SEMA4B: variants seen among roughly 807,000 people sequenced by gnomAD.
SEMA4B encodes the protein semaphorin-4B.
Under a neutral mutation model 88.1 loss-of-function variants are expected in SEMA4B, and 55 were observed. That is an observed-to-expected ratio of 0.62 (90% CI 0.50 to 0.78). SEMA4B has a LOEUF of 0.78. Ranked by LOEUF, SEMA4B falls within the 30% of genes least tolerant of loss-of-function variation. The pLI, the probability that SEMA4B is intolerant of heterozygous loss-of-function variation, is 0.00. For synonymous variants in SEMA4B, 525 were observed against 473.6 expected (o/e 1.11, Z -1.41); for missense variants, 1,062 against 1,111.9 (o/e 0.96, Z 0.64).
chr15:90,200,162 A>G (rs185381965), upstream of SEMA4B, among the ~76,000 whole-genome samples: 1 of 152,352 alleles, frequency 6.6e-6, no homozygotes, highest in African/African-American at 2.4e-5. Flanking sequence ...CCCTCTTGAC[A>G]GCATCCCTGT....
chr15:90,209,696 A>G (rs1472257841), intron 1 of SEMA4B, among the ~76,000 whole-genome samples: 1 of 152,310 alleles, frequency 6.6e-6, no homozygotes, highest in East Asian at 1.9e-4. Context: ...GCATACGGAG[A>G]AGGGCCCTTG....
rs536846907 is a variant in SEMA4B, at chr15:90,203,380, G to A, written c.157+1645G>A. Among the ~76,000 whole-genome samples the A allele has an allele frequency of 1.2e-3, 180 of 152,284 alleles. 5 individuals are homozygous for A. In the South Asian group the frequency reaches 0.036, roughly 31 times the overall value. On this transcript the variant is annotated intron_variant, in intron 1 of 13. Transcript: ENST00000411539. ...CCTCTCATTTTTGGGAGAAGGCAGG[G>A]TGAGATGGGGGCAGATGCTCCAATG...
At chr15:90,222,954 G>GTA (rs5814418) in intron 7 of SEMA4B, among the ~76,000 whole-genome samples, 6,619 of 130,562 alleles carry the variant, frequency 0.051, 264 homozygotes, top group African/African-American at 0.091. Context: ...GTAACTCTGT[G>GTA]TATATATATA....
At chr15:90,188,300 G>C (rs908991348) in intron 1 of SEMA4B, among the ~76,000 whole-genome samples, 1 of 151,818 alleles carries the variant, frequency 6.6e-6, no homozygotes, top group Non-Finnish European at 1.5e-5. Flanking sequence ...TTCCAGCTTG[G>C]GTGGCACAGT....
At chr15:90,214,131 C>T (rs890367031) in intron 1 of SEMA4B, among the ~76,000 whole-genome samples, 1 of 151,980 alleles carries the variant, frequency 6.6e-6, no homozygotes, top group Non-Finnish European at 1.5e-5. Context: ...CACCTGAAGT[C>T]AGGAGTACGA....
intron 1 of SEMA4B, among the ~76,000 whole-genome samples, chr15:90,210,528 G>T (rs1191176970): frequency 6.6e-6 from 1 of 152,146 alleles, no homozygotes; most frequent in Non-Finnish European, 1.5e-5. Context: ...GGGTCGGGCG[G>T]CATCCCCACC....
intron 1 of SEMA4B, among the ~76,000 whole-genome samples, chr15:90,195,607 C>G (rs1960474442): frequency 6.6e-6 from 1 of 151,992 alleles, no homozygotes; most frequent in South Asian, 2.1e-4. Context: ...ATGTTTTGTA[C>G]TTGTTGTTTT....
intron 7 of SEMA4B, 144 bp downstream of exon 7, chr15:90,221,909 A>G: frequency 1.5e-6 from 1 of 675,392 alleles, no homozygotes; most frequent in Non-Finnish European, 2.4e-6. Context: ...CACCTTTTAA[A>G]TTAAAATATC....
chr15:90,219,224 G>A (rs1204890667), intron 3 of SEMA4B: 1 of 152,070 alleles, frequency 6.6e-6, no homozygotes, highest in Non-Finnish European at 1.5e-5. Context: ...TATGGGGTAT[G>A]ACCGACAAGA....
chr15:90,194,300 G>C (rs1596118372), intron 1 of SEMA4B, among the ~76,000 whole-genome samples: 1 of 152,090 alleles, frequency 6.6e-6, no homozygotes, highest in East Asian at 2.0e-4. Flanking sequence ...GGGAGGCCAA[G>C]GCAGGTGGCT....
At position 90,194,452 on chromosome 15, in the gene SEMA4B, A is replaced by G. The variant is rs1164007648; in HGVS notation, c.-121-7006A>G. Among the ~76,000 whole-genome samples, 4 of 152,196 alleles carry G rather than the reference A, an allele frequency of 2.6e-5. 1 individual carries two copies. In the East Asian group the frequency reaches 7.7e-4, roughly 29 times the overall value. ...GAGGCTGAGGCAGGAGAATCGCTTG[A>G]ACCCACGAGGCAGAGGTTGCAGTGA... On this transcript the variant is annotated intron_variant, in intron 1 of 14. Coordinates refer to the SEMA4B transcript ENST00000332496.
chr15:90,206,630 C>A, intron 1 of SEMA4B: 1 of 631,418 alleles, frequency 1.6e-6, no homozygotes. Flanking sequence ...TTTACAAGAG[C>A]TGTTGAAGAC....
intron 1 of SEMA4B, 31 bp from the exon 2 acceptor site, chr15:90,217,408 C>T (rs747801354): frequency 1.9e-6 from 3 of 1,597,140 alleles, no homozygotes; most frequent in East Asian, 2.2e-5. Context: ...GGAGGGGTGG[C>T]CCCAGGTAAT....
upstream of SEMA4B, among the ~76,000 whole-genome samples, chr15:90,201,093 A>C (rs1960688396): frequency 6.6e-6 from 1 of 152,226 alleles, no homozygotes; most frequent in Admixed American, 6.5e-5. Context: ...GGAAGGGGCC[A>C]GGGCCTGGGC....
chr15:90,209,276 C>A (rs1041542236), intron 1 of SEMA4B, among the ~76,000 whole-genome samples: 9 of 152,104 alleles, frequency 5.9e-5, no homozygotes, highest in African/African-American at 2.2e-4. Flanking sequence ...AAAGACCGGG[C>A]GCGGTGGCTC....
rs755519316 is a variant in SEMA4B, at chr15:90,217,785, G to T, written c.340G>T (p.Ala114Ser). 11 of 1,613,392 alleles carry T rather than the reference G, an allele frequency of 6.8e-6. No homozygotes were observed. The highest frequency in any genetic ancestry group is 2.2e-5 in the East Asian group (1 of 44,880). Residue 114 changes from alanine to serine, a missense_variant, in exon 3 of 14, where the codon GCA (alanine) becomes TCA (serine). Transcript: ENST00000411539. ...EYQELLWGAD[A>S]EKKQQCSFKG... The stretch of plus-strand genomic sequence containing the variant: ...TCCCCAGCTGCTTTGGGGTGCAGAC[G>T]CAGAGAAGAAACAGCAGTGCAGCTT...
rs532463407 is a variant in SEMA4B at position 90,224,851 on chromosome 15, T to C, written c.1195-117T>C. On this transcript the variant is annotated intron_variant, in intron 9 of 13. Transcript: ENST00000411539. Reference sequence around the variant, plus strand: ...GCTCTGTAGAGCACTGCCAGGGATGTGCCCTGGCTCCGGGCGGGGGGACAG... The same window carrying C: ...GCTCTGTAGAGCACTGCCAGGGATGCGCCCTGGCTCCGGGCGGGGGGACAG... The C allele has an allele frequency of 9.2e-5, 75 of 812,502 alleles. No individual in the cohort carries two copies. The African/African-American group carries it at 1.2e-3, about 13-fold the overall frequency. 50.3% of individuals were successfully genotyped at this position (812,502 alleles called of 1,614,324 possible). A position where few individuals can be genotyped will look rare whatever the true frequency, so the allele number is the denominator to read the frequency against.
rs575269034 is a variant in SEMA4B, at chr15:90,212,380, C to T, written c.158-5059C>T. 7.9e-5 allele frequency among the ~76,000 whole-genome samples: 12 copies of T among 152,244 alleles called. No individual in the cohort carries two copies. Among genetic ancestry groups the T allele is most frequent in the South Asian group, 4.1e-4 (2 of 4,828 alleles). On this transcript the variant is annotated intron_variant, in intron 1 of 13. Transcript: ENST00000411539. This position sits in a 1 kb window ranked among gnomAD's most constrained non-coding sequence, Gnocchi z 4.0. Reference sequence around the variant, plus strand: ...GAGGGTTCACCCTGAATGGGAAAACCGGCCGCAGCCTCGGCGTGCCCTGCT... The same window carrying T: ...GAGGGTTCACCCTGAATGGGAAAACTGGCCGCAGCCTCGGCGTGCCCTGCT...
At chr15:90,201,772 A>G in intron 1 of SEMA4B, 37 bp downstream of exon 1, 1 of 1,381,324 alleles carries the variant, frequency 7.2e-7, no homozygotes, top group Non-Finnish European at 9.3e-7. Context: ...GGCCGGGGGA[A>G]GGAAGGCTGC....
Sources: gnomAD v4.1 joint callset for allele counts (sites outside exome capture counted in the v4.1 genomes callset) on GRCh38, gnomAD v4.1.1 for gene constraint, Gnocchi (gnomAD v3.1) non-coding constraint, MANE v1.5 for transcripts, NCBI Gene and HGNC (gene_info 2026-07-23, HGNC 2026-07-21) for gene names.